Variants in SPAG17 observed in about 807,000 individuals in gnomAD.
SPAG17 encodes sperm associated antigen 17.
A neutral mutation model predicts 273.6 loss-of-function variants in SPAG17; 169 were observed. The observed-to-expected ratio is 0.62, with a 90% confidence interval of 0.55 to 0.70. The LOEUF is 0.70. Ranked by LOEUF, SPAG17 falls within the 30% of genes least tolerant of loss-of-function variation. SPAG17 has a pLI of 0.00. For synonymous variants in SPAG17, 825 were observed against 873.2 expected (o/e 0.94, Z 0.97); for missense variants, 2,557 against 2,627.8 (o/e 0.97, Z 0.59).
At chr1:118,103,103 A>G (rs961985388) in intron 4 of SPAG17, among the ~76,000 whole-genome samples, 4 of 152,158 alleles carry the variant, frequency 2.6e-5, no homozygotes, top group Non-Finnish European at 1.5e-5. Flanking sequence ...GAAAAATCCA[A>G]CTGGCTAGAG....
chr1:118,139,580 T>A (rs1265733541), intron 3 of SPAG17, among the ~76,000 whole-genome samples: 3 of 152,124 alleles, frequency 2.0e-5, no homozygotes, highest in African/African-American at 7.2e-5. Flanking sequence ...CATCAACATA[T>A]GGATAGATAA....
intron 25 of SPAG17, 53 bp downstream of exon 25, chr1:118,031,639 G>C: frequency 6.3e-6 from 10 of 1,577,654 alleles, no homozygotes; most frequent in Admixed American, 3.5e-5. Flanking sequence ...TTTTAAAAAA[G>C]TTAACACTGA....
In SPAG17 at chr1:118,023,336, G is replaced by C; in HGVS notation, c.4037C>G (p.Thr1346Arg). The change falls in exon 28 of 49, where the codon ACG becomes AGG. Residue 1346 changes from threonine to arginine, a missense_variant. By Grantham distance (71) the Thr-to-Arg change is moderately conservative. Coordinates refer to ENST00000336338, the MANE Select transcript of SPAG17 (RefSeq NM_206996.4). Reference protein sequence around the residue: ...MDSISQQKSETIPSEITNTKK... With the variant: ...MDSISQQKSERIPSEITNTKK... ...TGTGTTGGTAATCTCAGATGGTATC[G>C]TTTCTGATTTCTGCTGAGAAATAGA... 2 of 1,611,336 alleles carry C rather than the reference G, an allele frequency of 1.2e-6. No individual in the cohort carries two copies. Among genetic ancestry groups the C allele is most frequent in the Non-Finnish European group, 1.7e-6 (2 of 1,178,414 alleles).
chr1:117,984,434 A>C (rs1005562077), intron 41 of SPAG17, among the ~76,000 whole-genome samples: 7 of 152,190 alleles, frequency 4.6e-5, no homozygotes, highest in Non-Finnish European at 8.8e-5. Flanking sequence ...TAATAGTGAG[A>C]CTGAAAGGCA....
chr1:118,094,345 A>C (rs1655577040), intron 7 of SPAG17, among the ~76,000 whole-genome samples: 1 of 152,244 alleles, frequency 6.6e-6, no homozygotes, highest in Admixed American at 6.5e-5. Context: ...TCACATGCTA[A>C]GGACAACAAA....
At chr1:118,124,717 T>C (rs1657608643) in intron 3 of SPAG17, among the ~76,000 whole-genome samples, 1 of 152,242 alleles carries the variant, frequency 6.6e-6, no homozygotes, top group Non-Finnish European at 1.5e-5. Flanking sequence ...ACCTACACTT[T>C]TGAGGTGAGT....
Position 118,041,867 on chromosome 1 carries a change from T to C in SPAG17, c.2990A>G (p.Gln997Arg). ...SPYKEKSKEEQVKIQEVTEES... is the reference protein window; with the variant it reads ...SPYKEKSKEERVKIQEVTEES... The stretch of plus-strand genomic sequence containing the variant: ...TTCTGTTACTTCTTGGATCTTGACT[T>C]GTTCTTCTTTAGATTTCTCCTTGTA... The change falls in exon 21 of 49, where the codon CAA becomes CGA. Residue 997 changes from glutamine to arginine, a missense_variant. Gln to Arg is a conservative substitution (Grantham distance 43). Transcript: ENST00000336338. 1.2e-6 allele frequency: 2 copies of C among 1,613,964 alleles called. No individual in the cohort carries two copies. Among genetic ancestry groups the C allele is most frequent in the Non-Finnish European group, 1.7e-6 (2 of 1,179,882 alleles).
intron 3 of SPAG17, among the ~76,000 whole-genome samples, chr1:118,122,613 G>C (rs565706031): frequency 1.3e-5 from 2 of 152,280 alleles, no homozygotes; most frequent in East Asian, 3.9e-4. Context: ...GACAATCAAA[G>C]GGATCTGCAG....
At chr1:118,145,707 T>C (rs1298474720) in intron 3 of SPAG17, among the ~76,000 whole-genome samples, 1 of 151,874 alleles carries the variant, frequency 6.6e-6, no homozygotes, top group African/African-American at 2.4e-5. Context: ...ATTTTTTTAC[T>C]GACAGGAGTA....
intron 1 of SPAG17, among the ~76,000 whole-genome samples, chr1:118,161,999 C>T (rs1161740911): frequency 1.3e-5 from 2 of 152,182 alleles, no homozygotes; most frequent in East Asian, 1.9e-4. Flanking sequence ...CTGCTTCCCA[C>T]TCATTCCCTC....
rs1236231461 is a variant in SPAG17 at position 118,086,945 on chromosome 1, C to T, written c.1423G>A (p.Gly475Arg). 8.1e-6 allele frequency: 13 copies of T among 1,606,236 alleles called. No homozygotes were observed. Among genetic ancestry groups the T allele is most frequent in the African/African-American group, 6.7e-5 (5 of 74,236 alleles). Residue 475 changes from glycine (G) to arginine (R), a missense_variant, in exon 11 of 49, where the codon GGG (glycine) becomes AGG (arginine). Gly to Arg is a moderately radical substitution (Grantham distance 125, BLOSUM62 -2). Transcript: ENST00000336338. ...TGAGCTGCGATTCTGTGGTCTAGCC[C>T]GTCTGCTCTGGGGGATGGCTCCCGC... ...SLREPSPRADGLDHRIAAHIV... is the reference protein window; with the variant it reads ...SLREPSPRADRLDHRIAAHIV...
intron 1 of SPAG17, among the ~76,000 whole-genome samples, chr1:118,183,370 T>C (rs1166743782): frequency 1.3e-5 from 2 of 152,180 alleles, no homozygotes; most frequent in East Asian, 1.9e-4. Context: ...CCTCTGGGCA[T>C]TGAACTGCTG....
At chr1:118,029,060 G>C (rs930441402) in intron 25 of SPAG17, among the ~76,000 whole-genome samples, 5 of 152,012 alleles carry the variant, frequency 3.3e-5, no homozygotes, top group Non-Finnish European at 7.4e-5. Flanking sequence ...AACCAGCCAG[G>C]GTAACACAGT....
chr1:118,163,546 T>TC (rs887309014), intron 1 of SPAG17, among the ~76,000 whole-genome samples: 1 of 151,850 alleles, frequency 6.6e-6, no homozygotes, highest in African/African-American at 2.4e-5. Flanking sequence ...TCTTCCTTTT[T>TC]TTTTTTTTTT....
Position 118,031,875 on chromosome 1 carries a change from C to A in SPAG17, c.3434-8G>T. On this transcript the variant is annotated splice_region_variant and splice_polypyrimidine_tract_variant and intron_variant, in intron 24 of 48. Transcript: ENST00000336338. ...AATCAGGATCCTTATCTTCTATAAG[C>A]AGAAAAAGTAAAAATGAAGTTGATT... 1.3e-6 allele frequency: 2 copies of A among 1,548,280 alleles called. No homozygotes were observed. The highest frequency in any genetic ancestry group is 1.7e-6 in the Non-Finnish European group (2 of 1,143,826).
At chr1:118,021,021 A>C (rs1024288288) in intron 28 of SPAG17, among the ~76,000 whole-genome samples, 5 of 152,160 alleles carry the variant, frequency 3.3e-5, no homozygotes, top group Non-Finnish European at 7.3e-5. Context: ...ACAAAGTCTA[A>C]AATAAACTTT....
In SPAG17 at chr1:118,036,751, G is replaced by A; in HGVS notation, c.3433+19C>T. The A allele has an allele frequency of 6.6e-7, 1 of 1,509,510 alleles. No individual in the cohort carries two copies. Among genetic ancestry groups the A allele is most frequent in the Non-Finnish European group, 9.0e-7 (1 of 1,109,032 alleles). The allele number at this position is 1,509,510 out of a possible 1,614,324, so 93.5% of individuals were successfully genotyped here. On this transcript the variant is annotated intron_variant, in intron 24 of 48. Coordinates refer to ENST00000336338, the MANE Select transcript of SPAG17 (RefSeq NM_206996.4). The stretch of plus-strand genomic sequence containing the variant: ...TTGGCTGTGGGGCACACTTATCCTT[G>A]CTGTTGTGTTCATTTCACCTGGTGC...
rs779016573 is a variant in SPAG17, at chr1:118,040,854, ATAT to A, written c.3055-16_3055-14del. On this transcript the variant is annotated splice_polypyrimidine_tract_variant and intron_variant, in intron 21 of 48. Transcript: ENST00000336338. ...TGTATCCGTGAAACTAGAAGAGAAA[ATAT>A]TATGCTTTGAGTGTGAAGCTGCAAT... 5 of 1,498,610 alleles carry A rather than the reference ATAT, an allele frequency of 3.3e-6. No individual in the cohort carries two copies. Among genetic ancestry groups the A allele is most frequent in the Admixed American group, 1.7e-5 (1 of 59,678 alleles). The allele number at this position is 1,498,610 out of a possible 1,614,324, so 92.8% of individuals were successfully genotyped here. A position where few individuals can be genotyped will look rare whatever the true frequency, so the allele number is the denominator to read the frequency against.
At position 117,953,759 on chromosome 1, in the gene SPAG17, C is replaced by T; in HGVS notation, c.*291G>A. ...GTGCTCCTTTCAGGTGTTCCTGGGA[C>T]CTGCCCTATTCAGAGTGTCTAGATA... On this transcript the variant is annotated 3_prime_UTR_variant, in exon 49 of 49. Coordinates refer to ENST00000336338, the MANE Select transcript of SPAG17 (RefSeq NM_206996.4). 1.6e-6 allele frequency: 1 copy of T among 612,492 alleles called. No individual in the cohort carries two copies. Among genetic ancestry groups the T allele is most frequent in the Non-Finnish European group, 2.8e-6 (1 of 351,234 alleles). The allele number at this position is 612,492 out of a possible 1,614,324, so 37.9% of individuals were successfully genotyped here.
Sources: allele counts gnomAD v4.1 joint callset (sites outside exome capture counted in the v4.1 genomes callset), GRCh38; gene constraint gnomAD v4.1.1; transcripts MANE v1.5; gene names NCBI Gene and HGNC (gene_info 2026-07-23, HGNC 2026-07-21).